Variants in USP32 observed in about 807,000 individuals in gnomAD.
USP32 encodes the protein ubiquitin specific peptidase 32, also known as ubiquitin carboxyl-terminal hydrolase 32.
USP32 carries 59 observed loss-of-function variants against 204.8 expected under a neutral mutation model. The ratio of observed to expected loss-of-function variants is 0.29; its 90% CI spans 0.23 to 0.36. USP32 has a LOEUF of 0.36. USP32 is among the 10% of genes least tolerant of loss of function. The pLI, the probability that USP32 is intolerant of heterozygous loss-of-function variation, is 1.00. For synonymous variants in USP32, 517 were observed against 678.4 expected, an observed-to-expected ratio of 0.76 and a Z score of 3.70; for missense variants, 1,160 against 1,946.4, an observed-to-expected ratio of 0.60 and a Z score of 7.60.
chr17:60,340,593 A>T (rs1257747528), intron 2 of USP32, among the ~76,000 whole-genome samples: 2 of 152,192 alleles, frequency 1.3e-5, no homozygotes, highest in African/African-American at 4.8e-5. Flanking sequence ...TCCTGAATAC[A>T]GCACACTGAT....
At position 60,226,043 on chromosome 17, in the gene USP32, G is replaced by C. The variant is rs1167765772; in HGVS notation, c.1428C>G (p.Gly476=). 1 of 1,599,664 alleles carries C rather than the reference G, an allele frequency of 6.3e-7. No individual in the cohort carries two copies. The highest frequency in any genetic ancestry group is 8.5e-7 in the Non-Finnish European group (1 of 1,174,794). ...AGGGGAATAGGTCATATTTACCGCT[G>C]CCAGCAGTTTCTGAGGCTTCAGATG... ...STASEASETA[G]SGFLYSATPG... The change falls in exon 13 of 34, where the codon GGC becomes GGG. Residue 476 remains glycine, a synonymous_variant. Coordinates refer to ENST00000300896, the MANE Select transcript of USP32 (RefSeq NM_032582.4).
rs556144258 is a variant in USP32 at position 60,332,511 on chromosome 17, G to T, written c.186+12970C>A. 2.0e-5 allele frequency among the ~76,000 whole-genome samples: 3 copies of T among 152,178 alleles called. No homozygotes were observed. The South Asian group carries it at 6.2e-4, about 32-fold the overall frequency. ...AAAAATAAAAAAATTAGCTGGGCGT[G>T]GTGGTGGGCGCCTGTGATCCCAGCT... On this transcript the variant is annotated intron_variant, in intron 2 of 33. Coordinates refer to ENST00000300896, the MANE Select transcript of USP32 (RefSeq NM_032582.4).
chr17:60,367,255 C>T (rs2089335998), intron 1 of USP32, among the ~76,000 whole-genome samples: 1 of 152,090 alleles, frequency 6.6e-6, no homozygotes, highest in East Asian at 1.9e-4. Context: ...AAGCTGGTAA[C>T]CCTACGACTT....
In USP32 at chr17:60,302,797, A is replaced by C. The variant is rs1240324161; in HGVS notation, c.187-1093T>G. Among the ~76,000 whole-genome samples, 4 of 152,208 alleles carry C rather than the reference A, an allele frequency of 2.6e-5. No homozygotes were observed. The East Asian group carries it at 5.8e-4, about 22-fold the overall frequency. ...ACTGAATGTTCAGAAATTCAAAGAG[A>C]CTCAAAAAAATATTTTTTAACACTC... On this transcript the variant is annotated intron_variant, in intron 2 of 33. Coordinates refer to ENST00000300896, the MANE Select transcript of USP32 (RefSeq NM_032582.4).
At position 60,360,465 on chromosome 17, in the gene USP32, C is replaced by G. The variant is rs539476691; in HGVS notation, c.59-14857G>C. Among the ~76,000 whole-genome samples, 34 of 152,016 alleles carry G rather than the reference C, an allele frequency of 2.2e-4. No individual in the cohort carries two copies. In the East Asian group the frequency reaches 3.7e-3, roughly 17 times the overall value. ...CCTGAAGTCAGGAGTTCGAGACCAG[C>G]CTGGCAAACATGGAGAAACCCCGTA... On this transcript the variant is annotated intron_variant, in intron 1 of 33. Transcript: ENST00000300896.
At chr17:60,378,188 T>TA (rs2089584330) in intron 1 of USP32, among the ~76,000 whole-genome samples, 3 of 151,878 alleles carry the variant, frequency 2.0e-5, no homozygotes, top group African/African-American at 7.3e-5. Context: ...AATAGCACAT[T>TA]AAAAAAATGC....
At chr17:60,306,443 G>A (rs2087725355) in intron 2 of USP32, among the ~76,000 whole-genome samples, 1 of 152,122 alleles carries the variant, frequency 6.6e-6, no homozygotes, top group Admixed American at 6.5e-5. Context: ...TTCGAGAGCT[G>A]CCTGGCCAAT....
At chr17:60,286,881 CT>C (rs1294049651) in intron 5 of USP32, among the ~76,000 whole-genome samples, 1 of 152,152 alleles carries the variant, frequency 6.6e-6, no homozygotes, top group African/African-American at 2.4e-5. Flanking sequence ...GGTGTGGTGG[CT>C]CATGCCAGTA....
intron 2 of USP32, among the ~76,000 whole-genome samples, chr17:60,307,199 A>G (rs1013056369): frequency 6.6e-6 from 1 of 151,648 alleles, no homozygotes; most frequent in Non-Finnish European, 1.5e-5. Context: ...TCCCAGGTTC[A>G]AGCAATTCTC....
rs186606404 is a variant in USP32, at chr17:60,203,341, C to T, written c.3249+2106G>A. Among the ~76,000 whole-genome samples, 505 of 133,906 alleles carry T rather than the reference C, an allele frequency of 3.8e-3. 3 individuals carry two copies. The highest frequency in any genetic ancestry group is 0.014 in the African/African-American group (489 of 34,568). 87.8% of individuals were successfully genotyped at this position (133,906 alleles called of 152,430 possible). On this transcript the variant is annotated intron_variant, in intron 26 of 33. Coordinates refer to ENST00000300896, the MANE Select transcript of USP32 (RefSeq NM_032582.4). ...GCTTGAACCCAGGAGGCGGAGGCTG[C>T]AGTGAGTGGAGATCACGCCACTGCA...
At chr17:60,302,890 A>C (rs997876667) in intron 2 of USP32, among the ~76,000 whole-genome samples, 1 of 152,220 alleles carries the variant, frequency 6.6e-6, no homozygotes, top group Admixed American at 6.5e-5. Context: ...GGACAACAGA[A>C]ATCACAATAA....
rs746687938 is a variant in USP32, at chr17:60,225,990, A to G, written c.1432+49T>C. 4.0e-6 allele frequency: 6 copies of G among 1,513,086 alleles called. No individual in the cohort carries two copies. In the Admixed American group the frequency reaches 9.5e-5, roughly 24 times the overall value. 93.7% of individuals were successfully genotyped at this position (1,513,086 alleles called of 1,614,324 possible). A position where few individuals can be genotyped will look rare whatever the true frequency, so the allele number is the denominator to read the frequency against. ...AAAAAAGAAAAGAAAAGAAAGACCT[A>G]TCCAGGGGGAATAAACCAATAAACC... On this transcript the variant is annotated intron_variant, in intron 13 of 33. Transcript: ENST00000300896.
chr17:60,227,037 CAAA>C (rs58720440), intron 12 of USP32, among the ~76,000 whole-genome samples: 954 of 61,296 alleles, frequency 0.016, 15 homozygotes, highest in African/African-American at 0.05. Context: ...GACTCTGTCT[CAAA>C]AAAAAAAAAA....
At chr17:60,272,758 A>C (rs1164704991) in intron 5 of USP32, among the ~76,000 whole-genome samples, 1 of 152,228 alleles carries the variant, frequency 6.6e-6, no homozygotes, top group Non-Finnish European at 1.5e-5. Flanking sequence ...GAGTACTGTA[A>C]GCAGAGAGAT....
chr17:60,354,954 G>A (rs1598279741), intron 1 of USP32, among the ~76,000 whole-genome samples: 1 of 152,164 alleles, frequency 6.6e-6, no homozygotes, highest in East Asian at 1.9e-4. Context: ...TGAGGCAGGA[G>A]AATCACTTGA....
intron 11 of USP32, among the ~76,000 whole-genome samples, chr17:60,247,280 A>G (rs2086052849): frequency 2.0e-5 from 3 of 151,900 alleles, no homozygotes; most frequent in African/African-American, 7.3e-5. Flanking sequence ...CCCGGTTTCA[A>G]GCAGTTTTCC....
intron 33 of USP32, among the ~76,000 whole-genome samples, chr17:60,180,317 G>T (rs948618454): frequency 1.3e-5 from 2 of 152,224 alleles, no homozygotes; most frequent in East Asian, 3.8e-4. Flanking sequence ...TTACAGGCAT[G>T]AGCCACTGCA....
rs145866578 is a variant in USP32 at position 60,242,376 on chromosome 17, G to T, written c.1137-6136C>A. ...GACATCTTTAAAAAACAATAAAAAT[G>T]ATAATAAAAATAACCATTGACCAAA... On this transcript the variant is annotated intron_variant, in intron 11 of 33. Coordinates refer to ENST00000300896, the MANE Select transcript of USP32 (RefSeq NM_032582.4). Among the ~76,000 whole-genome samples, 1,104 of 152,196 alleles carry T rather than the reference G, an allele frequency of 7.3e-3. 16 individuals carry two copies. Among genetic ancestry groups the T allele is most frequent in the African/African-American group, 0.026 (1,060 of 41,518 alleles).
rs1182388574 is a variant in USP32 at position 60,177,844 on chromosome 17, G to C, written c.*1411C>G. ...AGTTACATTGGTAATTACTATCTAT[G>C]AGGAAGAAAGGGTAGTGGAATCTGA... On this transcript the variant is annotated 3_prime_UTR_variant, in exon 34 of 34. Coordinates refer to ENST00000300896, the MANE Select transcript of USP32 (RefSeq NM_032582.4). Among the ~76,000 whole-genome samples the C allele has an allele frequency of 1.3e-5, 2 of 152,136 alleles. No individual in the cohort carries two copies. Among genetic ancestry groups the C allele is most frequent in the African/African-American group, 4.8e-5 (2 of 41,432 alleles).
Sources: gnomAD v4.1 joint callset for allele counts (sites outside exome capture counted in the v4.1 genomes callset) on GRCh38, gnomAD v4.1.1 for gene constraint, MANE v1.5 for transcripts, NCBI Gene and HGNC (gene_info 2026-07-23, HGNC 2026-07-21) for gene names.